Variants in IRAK2 observed in about 807,000 individuals in gnomAD.
The protein encoded by IRAK2 is interleukin-1 receptor-associated kinase-like 2.
Under a neutral mutation model 72.0 loss-of-function variants are expected in IRAK2, and 57 were observed. That is an observed-to-expected ratio of 0.79 (90% confidence interval 0.64 to 0.99). The LOEUF (loss-of-function observed/expected upper bound fraction) is 0.99. Among genes scored for constraint, IRAK2 ranks in the 50% least tolerant of loss-of-function variants. IRAK2 has a pLI of 0.00. For missense variants in IRAK2, 790 were observed against 794.4 expected (o/e 0.99, Z 0.07); for synonymous variants, 293 against 312.7 (o/e 0.94, Z 0.67).
intron 4 of IRAK2, among the ~76,000 whole-genome samples, chr3:10,210,086 A>AT (rs1338290991): frequency 6.6e-6 from 1 of 151,760 alleles, no homozygotes; most frequent in Non-Finnish European, 1.5e-5. Flanking sequence ...TGCTCGGCTA[A>AT]TTTTTTGTAT....
rs769965191 is a variant in IRAK2 at position 10,165,028 on chromosome 3, A to C, written c.74A>C (p.Glu25Ala). The stretch of plus-strand genomic sequence containing the variant: ...TGCCGCAACATGGACGCGCTCAGCG[A>C]GTGGGACTGGATGGAGTTCGGTGAG... ...DLCRNMDALS[E>A]WDWMEFASYV... Residue 25 changes from glutamate to alanine, a missense_variant, in exon 1 of 13, where the codon GAG becomes GCG. By Grantham distance (107) the Glu-to-Ala change is moderately radical. Coordinates refer to ENST00000256458, the MANE Select transcript of IRAK2 (RefSeq NM_001570.4). 1 of 1,611,324 alleles carries C rather than the reference A, an allele frequency of 6.2e-7. No individual in the cohort carries two copies. Among genetic ancestry groups the C allele is most frequent in the Non-Finnish European group, 8.5e-7 (1 of 1,179,480 alleles).
intron 1 of IRAK2, among the ~76,000 whole-genome samples, chr3:10,169,010 G>C (rs1249648956): frequency 2.0e-5 from 3 of 152,124 alleles, no homozygotes; most frequent in Admixed American, 6.6e-5. Context: ...GAGAAATAAA[G>C]AGTACAAAGA....
At chr3:10,181,226 C>T (rs899699194) in intron 2 of IRAK2, among the ~76,000 whole-genome samples, 2 of 152,124 alleles carry the variant, frequency 1.3e-5, no homozygotes, top group Admixed American at 6.6e-5. Context: ...CCTCCCTGCC[C>T]GGTGCTCCTG....
At chr3:10,234,411 C>CGCA in intron 10 of IRAK2, 48 bp from the exon 11 acceptor site, 1 of 1,548,846 alleles carries the variant, frequency 6.5e-7, no homozygotes, top group Non-Finnish European at 8.9e-7. Flanking sequence ...CGTTGGCTCT[C>CGCA]GCAGCTCTGC....
chr3:10,192,629 A>G (rs137861855), intron 2 of IRAK2, among the ~76,000 whole-genome samples: 14 of 152,350 alleles, frequency 9.2e-5, no homozygotes, highest in South Asian at 2.1e-4. Flanking sequence ...AGAACTTAGG[A>G]AAAAAAGCCT....
intron 2 of IRAK2, among the ~76,000 whole-genome samples, chr3:10,196,639 C>T (rs1697270542): frequency 6.6e-6 from 1 of 152,186 alleles, no homozygotes; most frequent in South Asian, 2.1e-4. Context: ...GAGAGAAGTG[C>T]ATGTTCTCTG....
intron 1 of IRAK2, among the ~76,000 whole-genome samples, chr3:10,169,281 G>A (rs1696753991): frequency 6.6e-6 from 1 of 152,170 alleles, no homozygotes; most frequent in African/African-American, 2.4e-5. Flanking sequence ...ACAGGAAACA[G>A]GGTTGGAGAG....
intron 2 of IRAK2, among the ~76,000 whole-genome samples, chr3:10,196,798 A>C (rs1330730506): frequency 6.6e-6 from 1 of 152,156 alleles, no homozygotes; most frequent in East Asian, 1.9e-4. Context: ...AGGGTGCTTG[A>C]ATTGAACGTA....
intron 11 of IRAK2, among the ~76,000 whole-genome samples, chr3:10,235,792 C>G (rs1449878712): frequency 6.6e-6 from 1 of 152,152 alleles, no homozygotes; most frequent in African/African-American, 2.4e-5. Flanking sequence ...AAGATGAGGC[C>G]ACAGAACTTG....
chr3:10,182,295 T>C (rs540449242), intron 2 of IRAK2, among the ~76,000 whole-genome samples: 6 of 146,890 alleles, frequency 4.1e-5, no homozygotes, highest in Non-Finnish European at 7.5e-5. Context: ...TTCTTTTTTT[T>C]TTTTTGGGAC....
intron 2 of IRAK2, among the ~76,000 whole-genome samples, chr3:10,189,154 C>G (rs922309791): frequency 6.6e-6 from 1 of 152,156 alleles, no homozygotes; most frequent in Non-Finnish European, 1.5e-5. Context: ...GTGGGGAGGG[C>G]AGGTAGGAGA....
chr3:10,241,566 G>GATAGATAAATAAATAAATAA (rs1553627064), intron 12 of IRAK2, among the ~76,000 whole-genome samples: 1 of 131,740 alleles, frequency 7.6e-6, no homozygotes, highest in East Asian at 2.4e-4. Flanking sequence ...CTCAACAAAT[G>GATAGATAAATAAATAAATAA]ATAAATAAAT....
chr3:10,200,278 A>G, intron 2 of IRAK2, 91 bp from the exon 3 acceptor site: 3 of 1,154,750 alleles, frequency 2.6e-6, no homozygotes, highest in Non-Finnish European at 3.7e-6. Flanking sequence ...AGCCAGAATT[A>G]GAACCCAGGT....
At chr3:10,215,017 A>T (rs932610406) in intron 6 of IRAK2, among the ~76,000 whole-genome samples, 4 of 151,696 alleles carry the variant, frequency 2.6e-5, no homozygotes, top group African/African-American at 9.7e-5. Context: ...ACTTGAGCCC[A>T]GGAGGCAGAA....
chr3:10,191,886 G>A (rs1325103610), intron 2 of IRAK2, among the ~76,000 whole-genome samples: 1 of 152,184 alleles, frequency 6.6e-6, no homozygotes, highest in African/African-American at 2.4e-5. Context: ...CAAAATGAAT[G>A]AATGAATGAA....
chr3:10,237,212 T>G (rs1240770489), intron 11 of IRAK2, among the ~76,000 whole-genome samples: 1 of 152,240 alleles, frequency 6.6e-6, no homozygotes, highest in East Asian at 1.9e-4. Flanking sequence ...TGAAGATTTA[T>G]CTCAAGAAGT....
intron 9 of IRAK2, among the ~76,000 whole-genome samples, chr3:10,225,977 G>A (rs922011368): frequency 1.3e-5 from 2 of 152,106 alleles, no homozygotes; most frequent in African/African-American, 4.8e-5. Context: ...GGGATTACAG[G>A]CATGATCCAC....
chr3:10,198,561 A>G (rs908044935), intron 2 of IRAK2, among the ~76,000 whole-genome samples: 10 of 152,224 alleles, frequency 6.6e-5, no homozygotes, highest in African/African-American at 2.4e-4. Flanking sequence ...CTGAGCCTCA[A>G]TATACTCAAA....
intron 3 of IRAK2, 28 bp from the exon 4 acceptor site, chr3:10,209,561 A>C: frequency 6.8e-7 from 1 of 1,464,912 alleles, no homozygotes; most frequent in Non-Finnish European, 9.2e-7. Context: ...CCGAGGCTGC[A>C]TCCTGACCCA....
Sources: allele counts gnomAD v4.1 joint callset (sites outside exome capture counted in the v4.1 genomes callset), GRCh38; gene constraint gnomAD v4.1.1; transcripts MANE v1.5; gene names NCBI Gene and HGNC (gene_info 2026-07-23, HGNC 2026-07-21).